ARMH4: variants seen among roughly 807,000 people sequenced by gnomAD.
ARMH4 encodes armadillo like helical domain containing 4, also known as armadillo-like helical domain-containing protein 4.
ARMH4 carries 49 observed loss-of-function variants against 61.9 expected under a neutral mutation model. The observed-to-expected ratio is 0.79, with a 90% CI of 0.63 to 1.00. The LOEUF is 1.00. ARMH4 is among the 50% of genes least tolerant of loss of function. The pLI is 0.00. For missense variants in ARMH4, 934 were observed against 930.0 expected (o/e 1.00, Z -0.06); for synonymous variants, 368 against 341.5 (o/e 1.08, Z -0.85).
Position 58,138,731 on chromosome 14 carries a change from C to T in ARMH4, c.628G>A (p.Val210Met). Residue 210 changes from valine (V) to methionine (M), a missense_variant, in exon 2 of 8, where the codon GTG becomes ATG. By Grantham distance (21) the Val-to-Met change is conservative. Coordinates refer to ENST00000267485, the MANE Select transcript of ARMH4 (RefSeq NM_001001872.4). ...VGLGHSPSSYVNTKEMLTTNP... is the reference protein window; with the variant it reads ...VGLGHSPSSYMNTKEMLTTNP... ...GTGGTTAGCATTTCCTTAGTATTCACATAGGATGAAGGTGAATGTCCCAAA... is the reference window on the plus strand; with the variant it reads ...GTGGTTAGCATTTCCTTAGTATTCATATAGGATGAAGGTGAATGTCCCAAA... 1 of 1,614,154 alleles carries T rather than the reference C, an allele frequency of 6.2e-7. No homozygotes were observed. The highest frequency in any genetic ancestry group is 1.1e-5 in the South Asian group (1 of 91,082).
chr14:58,049,428 C>A (rs1884062281), intron 5 of ARMH4, among the ~76,000 whole-genome samples: 2 of 152,094 alleles, frequency 1.3e-5, no homozygotes, highest in South Asian at 4.1e-4. Flanking sequence ...ATAGTTTCAG[C>A]ACCAAAAGTA....
chr14:58,139,403 A>G lies in ARMH4; in HGVS notation c.-45T>C, dbSNP rs763033352. 13 of 1,572,332 alleles carry G rather than the reference A, an allele frequency of 8.3e-6. No homozygotes were observed. In the South Asian group the frequency reaches 1.3e-4, roughly 16 times the overall value. ...GTACACTGGCAGAGTTGACAAGTCC[A>G]GTAATTGAATCCTGCAGAAAAATAA... On this transcript the variant is annotated 5_prime_UTR_variant, in exon 2 of 8. Transcript: ENST00000267485.
intron 5 of ARMH4, among the ~76,000 whole-genome samples, chr14:58,054,262 C>A (rs996826701): frequency 3.3e-5 from 5 of 152,046 alleles, no homozygotes; most frequent in Non-Finnish European, 7.3e-5. Context: ...TGAATGATCA[C>A]ATAAACCTCC....
chr14:58,098,596 T>C (rs1566578942), intron 4 of ARMH4, among the ~76,000 whole-genome samples: 1 of 152,204 alleles, frequency 6.6e-6, no homozygotes, highest in Non-Finnish European at 1.5e-5. Flanking sequence ...CATTCTTTTG[T>C]TTAATTTAAG....
chr14:58,063,025 GC>G (rs1357229429), intron 5 of ARMH4, among the ~76,000 whole-genome samples: 1 of 152,204 alleles, frequency 6.6e-6, no homozygotes, highest in Non-Finnish European at 1.5e-5. Flanking sequence ...AAGAATACAA[GC>G]CCCAAATCAA....
chr14:58,121,457 A>G (rs893052101), intron 4 of ARMH4, among the ~76,000 whole-genome samples: 10 of 152,244 alleles, frequency 6.6e-5, no homozygotes, highest in African/African-American at 1.9e-4. Context: ...AGGAAAGCAT[A>G]CCAGAAAAAC....
At chr14:58,145,212 A>T (rs1715907650) in intron 1 of ARMH4, among the ~76,000 whole-genome samples, 1 of 152,228 alleles carries the variant, frequency 6.6e-6, no homozygotes, top group South Asian at 2.1e-4. Flanking sequence ...CAGAAAAATG[A>T]TTCCTGAATC....
At chr14:58,132,465 C>T (rs1056605571) in intron 3 of ARMH4, among the ~76,000 whole-genome samples, 1 of 152,108 alleles carries the variant, frequency 6.6e-6, no homozygotes, top group African/African-American at 2.4e-5. Flanking sequence ...ACCTCATCCC[C>T]CCCGGCTCCT....
intron 5 of ARMH4, among the ~76,000 whole-genome samples, chr14:58,059,748 G>C (rs931672438): frequency 1.3e-5 from 2 of 152,160 alleles, no homozygotes; most frequent in African/African-American, 4.8e-5. Flanking sequence ...TTTGATCAGA[G>C]CCAGTAGTTA....
At chr14:58,090,169 A>G (rs1049769343) in intron 5 of ARMH4, among the ~76,000 whole-genome samples, 8 of 152,322 alleles carry the variant, frequency 5.3e-5, no homozygotes, top group African/African-American at 1.7e-4. Flanking sequence ...GACAGCTATA[A>G]TAATTCTCAA....
chr14:58,110,943 G>T (rs547843314), intron 4 of ARMH4, among the ~76,000 whole-genome samples: 1 of 151,698 alleles, frequency 6.6e-6, no homozygotes, highest in Non-Finnish European at 1.5e-5. Context: ...TAGGAGAGAC[G>T]GGGTTTTACC....
intron 5 of ARMH4, among the ~76,000 whole-genome samples, chr14:58,061,753 G>C (rs1412845712): frequency 6.6e-6 from 1 of 152,128 alleles, no homozygotes; most frequent in African/African-American, 2.4e-5. Flanking sequence ...AGGCAGGGCT[G>C]CTGCATCACA....
At chr14:58,067,546 G>A (rs1019719245) in intron 5 of ARMH4, among the ~76,000 whole-genome samples, 4 of 152,206 alleles carry the variant, frequency 2.6e-5, no homozygotes, top group Non-Finnish European at 5.9e-5. Flanking sequence ...GGAGATGGTA[G>A]CAAGACATTT....
chr14:58,132,948 C>T (rs1887166172), intron 3 of ARMH4, 142 bp downstream of exon 3: 5 of 876,708 alleles, frequency 5.7e-6, no homozygotes, highest in Admixed American at 2.4e-5. Flanking sequence ...CACCCCTTTC[C>T]AGGTAAAGGT....
intron 5 of ARMH4, among the ~76,000 whole-genome samples, chr14:58,061,702 C>G (rs941392750): frequency 6.6e-6 from 1 of 152,136 alleles, no homozygotes; most frequent in Non-Finnish European, 1.5e-5. Context: ...GAATATTCCA[C>G]AGATCCATCT....
At position 58,086,711 on chromosome 14, in the gene ARMH4, G is replaced by A. The variant is rs575385880; in HGVS notation, c.2089+10013C>T. 7.6e-4 allele frequency among the ~76,000 whole-genome samples: 116 copies of A among 152,286 alleles called. No individual in the cohort carries two copies. The South Asian group carries it at 7.9e-3, about 10-fold the overall frequency. ...CAACAGTACTCCATGCTGTGTGCTA[G>A]ATGTTCTGAGGTTCCCCAAAAAAAT... On this transcript the variant is annotated intron_variant, in intron 5 of 7. Coordinates refer to ENST00000267485, the MANE Select transcript of ARMH4 (RefSeq NM_001001872.4).
intron 5 of ARMH4, among the ~76,000 whole-genome samples, chr14:58,051,426 G>A (rs1242993569): frequency 6.6e-6 from 1 of 152,140 alleles, no homozygotes. Context: ...ATTCTAATGT[G>A]CACACTTCAT....
intron 5 of ARMH4, among the ~76,000 whole-genome samples, chr14:58,064,310 A>G (rs1310794583): frequency 6.6e-6 from 1 of 152,236 alleles, no homozygotes; most frequent in Admixed American, 6.5e-5. Flanking sequence ...GATAGTTGTC[A>G]GTGTTTCTAA....
At chr14:58,033,200 G>C (rs1190105811) in intron 5 of ARMH4, among the ~76,000 whole-genome samples, 1 of 115,600 alleles carries the variant, frequency 8.7e-6, no homozygotes, top group Non-Finnish European at 1.9e-5. Context: ...CGCAGCTGGA[G>C]ATCTGAGAAC....
Sources: allele counts gnomAD v4.1 joint callset (sites outside exome capture counted in the v4.1 genomes callset), GRCh38; gene constraint gnomAD v4.1.1; transcripts MANE v1.5; gene names NCBI Gene and HGNC (gene_info 2026-07-23, HGNC 2026-07-21).